Variants in PEX2 observed in about 807,000 individuals in gnomAD.
PEX2 encodes peroxisome biogenesis factor 2.
Under a neutral mutation model 25.2 loss-of-function variants are expected in PEX2, and 19 were observed. That is an observed-to-expected ratio of 0.75 (90% CI 0.53 to 1.10). The LOEUF (loss-of-function observed/expected upper bound fraction) is 1.10. PEX2 is among the 50% of genes least tolerant of loss of function. The pLI is 0.00. For missense variants in PEX2, 347 were observed against 350.6 expected, an observed-to-expected ratio of 0.99 and a Z score of 0.08; for synonymous variants, 141 against 127.7, an observed-to-expected ratio of 1.10 and a Z score of -0.70.
At chr8:76,994,549 A>G (rs1346971602) in intron 1 of PEX2, among the ~76,000 whole-genome samples, 1 of 152,116 alleles carries the variant, frequency 6.6e-6, no homozygotes, top group Non-Finnish European at 1.5e-5. Flanking sequence ...GACTCTCAGT[A>G]TTAGAGGTAT....
upstream of PEX2, chr8:77,000,797 C>G (rs542090002): frequency 1.3e-5 from 2 of 152,418 alleles, no homozygotes; most frequent in Non-Finnish European, 1.5e-5. Context: ...CCCGGTAACG[C>G]TTAGGAATTC....
chr8:76,996,780 C>T (rs553557782), intron 1 of PEX2, among the ~76,000 whole-genome samples: 3 of 148,648 alleles, frequency 2.0e-5, no homozygotes, highest in East Asian at 3.9e-4. Context: ...CAAGGCACTA[C>T]AACTTTTCTT....
At chr8:76,986,645 T>A (rs533579125) in intron 2 of PEX2, 2 of 152,390 alleles carry the variant, frequency 1.3e-5, no homozygotes, top group East Asian at 3.9e-4. Flanking sequence ...TCACTGTCTG[T>A]TCCCTTTGTG....
At chr8:76,997,073 T>C (rs185946188) in intron 1 of PEX2, among the ~76,000 whole-genome samples, 152 of 152,354 alleles carry the variant, frequency 1.0e-3, no homozygotes, top group African/African-American at 3.4e-3. Context: ...CCAGTCAAGC[T>C]GTCAGGACTG....
At position 76,983,208 on chromosome 8, in the gene PEX2, T is replaced by A; in HGVS notation, c.*53A>T. ...AATGGTATACTTAGGATGACTAATATTAAGAATTTAAACACGGTGCATTTT... is the reference window on the plus strand; with the variant it reads ...AATGGTATACTTAGGATGACTAATAATAAGAATTTAAACACGGTGCATTTT... On this transcript the variant is annotated 3_prime_UTR_variant, in exon 4 of 4. Coordinates refer to ENST00000357039, the MANE Select transcript of PEX2 (RefSeq NM_000318.3). The A allele has an allele frequency of 6.2e-7, 1 of 1,601,980 alleles. No homozygotes were observed. Among genetic ancestry groups the A allele is most frequent in the East Asian group, 2.2e-5 (1 of 44,880 alleles).
upstream of PEX2, among the ~76,000 whole-genome samples, chr8:77,000,524 G>C (rs886184042): frequency 5.3e-5 from 8 of 152,226 alleles, no homozygotes; most frequent in African/African-American, 9.6e-5. Context: ...GAGGAGGACC[G>C]GCTGAGGGAT....
intron 1 of PEX2, among the ~76,000 whole-genome samples, chr8:76,993,154 C>A (rs1411320925): frequency 6.6e-6 from 1 of 152,162 alleles, no homozygotes; most frequent in Non-Finnish European, 1.5e-5. Context: ...AAGTGTCAAC[C>A]TAGCCACATT....
intron 2 of PEX2, chr8:76,988,033 T>G (rs945401211): frequency 6.6e-6 from 1 of 152,230 alleles, no homozygotes; most frequent in Non-Finnish European, 1.5e-5. Context: ...TTGATCTACA[T>G]AAGTGCTAAA....
rs554459110 is a variant in PEX2, at chr8:76,991,283, C to T, written c.-159-2945G>A. ...GACTGCCAGAAAAGGAGACCTAAAA[C>T]GGTCTTTAACCAATACAATATTTAA... On this transcript the variant is annotated intron_variant, in intron 1 of 3. Coordinates refer to ENST00000357039, the MANE Select transcript of PEX2 (RefSeq NM_000318.3). Among the ~76,000 whole-genome samples the T allele has an allele frequency of 1.4e-3, 208 of 152,268 alleles. 2 individuals carry two copies. Among genetic ancestry groups the T allele is most frequent in the Non-Finnish European group, 1.3e-3 (87 of 68,008 alleles).
rs1277419329 is a variant in PEX2 at position 76,983,437 on chromosome 8, C to T, written c.742G>A (p.Gly248Arg). The T allele has an allele frequency of 1.9e-6, 3 of 1,613,994 alleles. No homozygotes were observed. In the African/African-American group the frequency reaches 4.0e-5, roughly 22 times the overall value. ...ATSGKECALC[G>R]EWPTMPHTIG... ...GTGTGAGGCATGGTGGGCCACTCTCCACATAGAGCGCATTCTTTGCCACTG... is the reference window on the plus strand; with the variant it reads ...GTGTGAGGCATGGTGGGCCACTCTCTACATAGAGCGCATTCTTTGCCACTG... Residue 248 changes from glycine (G) to arginine (R), a missense_variant, in exon 4 of 4, where the codon GGA becomes AGA. Gly to Arg is a moderately radical substitution (Grantham distance 125). Coordinates refer to ENST00000357039, the MANE Select transcript of PEX2 (RefSeq NM_000318.3).
intron 1 of PEX2, among the ~76,000 whole-genome samples, chr8:76,996,589 A>G (rs1321202719): frequency 6.6e-6 from 1 of 152,220 alleles, no homozygotes; most frequent in Non-Finnish European, 1.5e-5. Context: ...ATACTCTATA[A>G]ATAATTTAAA....
Position 76,983,475 on chromosome 8 carries a change from T to A in PEX2, c.704A>T (p.Asn235Ile). The A allele has an allele frequency of 6.2e-7, 1 of 1,614,148 alleles. No individual in the cohort carries two copies. Among genetic ancestry groups the A allele is most frequent in the South Asian group, 1.1e-5 (1 of 91,080 alleles). The change falls in exon 4 of 4, where the codon AAT (asparagine) becomes ATT (isoleucine). Residue 235 changes from asparagine to isoleucine, a missense_variant. Asn to Ile is a moderately radical substitution (Grantham distance 149). Coordinates refer to ENST00000357039, the MANE Select transcript of PEX2 (RefSeq NM_000318.3). ...IPLTGAPNSD[N>I]TLATSGKECA... ...TTCTTTGCCACTGGTGGCTAATGTA[T>A]TGTCACTATTAGGTGCACCAGTAAG...
At chr8:77,000,616 C>T (rs1474197424), upstream of PEX2, among the ~76,000 whole-genome samples, 4 of 152,210 alleles carry the variant, frequency 2.6e-5, no homozygotes, top group African/African-American at 7.2e-5. Context: ...CCTGCCCGCC[C>T]TCGGGGCCTG....
chr8:76,986,126 C>T (rs1251929979), intron 3 of PEX2, 61 bp downstream of exon 3: 1 of 152,044 alleles, frequency 6.6e-6, no homozygotes. Flanking sequence ...TCTCTCAAAC[C>T]AGATATACAA....
intron 1 of PEX2, among the ~76,000 whole-genome samples, chr8:76,995,854 A>G (rs529947729): frequency 1.3e-5 from 2 of 152,180 alleles, no homozygotes; most frequent in African/African-American, 4.8e-5. Flanking sequence ...GCCCAGGTTC[A>G]CTAACAGATT....
chr8:76,996,363 G>A (rs927114379), intron 1 of PEX2, among the ~76,000 whole-genome samples: 1 of 152,268 alleles, frequency 6.6e-6, no homozygotes, highest in South Asian at 2.1e-4. Context: ...ATGACCAGAG[G>A]GGGCAGAACC....
upstream of PEX2, chr8:77,000,402 C>T (rs1807476148): frequency 7.8e-6 from 1 of 127,808 alleles, no homozygotes; most frequent in Non-Finnish European, 1.8e-5. Context: ...GAAGCCGGGG[C>T]TTGGGAGGGC....
chr8:76,983,726 C>T lies in PEX2; in HGVS notation c.453G>A (p.Leu151=). 1 of 1,614,012 alleles carries T rather than the reference C, an allele frequency of 6.2e-7. No individual in the cohort carries two copies. Among genetic ancestry groups the T allele is most frequent in the South Asian group, 1.1e-5 (1 of 91,072 alleles). Residue 151 remains leucine (L), a synonymous_variant, in exon 4 of 4, where the codon CTG becomes CTA. Transcript: ENST00000357039. The part of the protein sequence containing the change: ...FVIGLLKLGG[L]INFLIFLQRG... Reference sequence around the variant, plus strand: ...TCTGAAGGAAAATCAAAAAATTAATCAGCCCACCTAATTTCAAAAGTCCAA... The same window carrying T: ...TCTGAAGGAAAATCAAAAAATTAATTAGCCCACCTAATTTCAAAAGTCCAA...
chr8:76,999,795 T>C (rs1563614353), intron 1 of PEX2, 195 bp downstream of exon 1: 4 of 455,678 alleles, frequency 8.8e-6, no homozygotes, highest in Non-Finnish European at 1.8e-5. Flanking sequence ...AAAACATCTT[T>C]AGGAGTTTAG....
Sources: gnomAD v4.1 joint callset for allele counts (sites outside exome capture counted in the v4.1 genomes callset) on GRCh38, gnomAD v4.1.1 for gene constraint, MANE v1.5 for transcripts, NCBI Gene and HGNC (gene_info 2026-07-23, HGNC 2026-07-21) for gene names.